Variants in ZNF331 observed in about 807,000 individuals in gnomAD.
ZNF331 encodes the protein zinc finger protein 331.
ZNF331 carries 2 observed loss-of-function variants against 7.0 expected under a neutral mutation model. The ratio of observed to expected loss-of-function variants is 0.29; its 90% CI spans 0.12 to 0.90. The LOEUF (loss-of-function observed/expected upper bound fraction) is 0.90. Ranked by LOEUF, ZNF331 falls within the 40% of genes least tolerant of loss-of-function variation. The pLI is 0.58. For missense variants in ZNF331, 432 were observed against 587.7 expected (o/e 0.74, Z 2.74); for synonymous variants, 196 against 205.4 (o/e 0.95, Z 0.39).
intron 2 of ZNF331, among the ~76,000 whole-genome samples, chr19:53,549,041 G>GT (rs2147396853): frequency 6.6e-6 from 1 of 152,140 alleles, no homozygotes; most frequent in Non-Finnish European, 1.5e-5. Context: ...TAGAGACGGA[G>GT]TTTCCCCATG....
chr19:53,569,463 T>G (rs923904229), intron 4 of ZNF331, 78 bp downstream of exon 4: 22 of 1,507,254 alleles, frequency 1.5e-5, no homozygotes, highest in Non-Finnish European at 2.0e-5. Context: ...ATCTGAAGCC[T>G]TTTATCTAGT....
Position 53,558,790 on chromosome 19 carries a change from C to T in ZNF331, c.-74+2882C>T, listed in dbSNP as rs1304671559. On this transcript the variant is annotated intron_variant, in intron 3 of 5. Transcript: ENST00000449416. This position sits in a 1 kb window ranked among gnomAD's most constrained non-coding sequence, Gnocchi z 4.5. Reference sequence around the variant, plus strand: ...ATGAGCCAGGAACCATGGACAAGAACATACAGACACACTCATACCCCATAT... The same window carrying T: ...ATGAGCCAGGAACCATGGACAAGAATATACAGACACACTCATACCCCATAT... Among the ~76,000 whole-genome samples, 1 of 151,772 alleles carries T rather than the reference C, an allele frequency of 6.6e-6. No individual in the cohort carries two copies. The highest frequency in any genetic ancestry group is 1.5e-5 in the Non-Finnish European group (1 of 67,896).
intron 2 of ZNF331, among the ~76,000 whole-genome samples, chr19:53,541,137 C>T (rs1387442062): frequency 7.2e-6 from 1 of 139,300 alleles, no homozygotes; most frequent in Non-Finnish European, 1.5e-5. Flanking sequence ...GACAGAGTTT[C>T]GCTCTTGTTG....
In ZNF331 at chr19:53,577,264, G is replaced by C. The variant is rs201062282; in HGVS notation, c.704G>C (p.Arg235Thr). 1.9e-6 allele frequency: 3 copies of C among 1,613,620 alleles called. No individual in the cohort carries two copies. Among genetic ancestry groups the C allele is most frequent in the Non-Finnish European group, 8.5e-7 (1 of 1,179,950 alleles). ...GGTGATGAGCTCACTCAGCACCAGA[G>C]ATTCCACACTGGGGAGAAAGACTAC... ...RRGDELTQHQRFHTGEKDYEC... is the reference protein window; with the variant it reads ...RRGDELTQHQTFHTGEKDYEC... Residue 235 changes from arginine (R) to threonine (T), a missense_variant, in exon 6 of 6, where the codon AGA (arginine) becomes ACA (threonine). Physicochemically the swap from Arg to Thr is moderately conservative, Grantham distance 71. Coordinates refer to ENST00000449416, the MANE Select transcript of ZNF331 (RefSeq NM_001079906.2).
In ZNF331 at chr19:53,531,364, G is replaced by C. The variant is rs138855172; in HGVS notation, c.-204-7852G>C. Among the ~76,000 whole-genome samples, 180 of 152,298 alleles carry C rather than the reference G, an allele frequency of 1.2e-3. 5 individuals are homozygous for C. In the East Asian group the frequency reaches 0.033, roughly 28 times the overall value. ...CCTCAATGTACTCCCCATTGACCAA[G>C]TCTCTCTTCTGAATGTTATTCATGT... On this transcript the variant is annotated intron_variant, in intron 2 of 6. Coordinates refer to the ZNF331 transcript ENST00000253144.
chr19:53,536,343 T>C (rs940641414), upstream of ZNF331: 5 of 152,188 alleles, frequency 3.3e-5, no homozygotes, highest in Non-Finnish European at 7.3e-5. Flanking sequence ...TGAGGAAACT[T>C]TACCACACTG....
At chr19:53,509,004 T>G in the ZNF331 span, among the ~76,000 whole-genome samples, 284 of 152,208 alleles carry the variant, frequency 1.9e-3, no homozygotes, top group Middle Eastern at 6.8e-3. Flanking sequence ...ATTCATCACC[T>G]TTTTTCCCTC....
upstream of ZNF331, among the ~76,000 whole-genome samples, chr19:53,535,703 A>C (rs1204242523): frequency 6.6e-6 from 1 of 152,230 alleles, no homozygotes; most frequent in East Asian, 1.9e-4. Flanking sequence ...TGGACTTTGG[A>C]AATATTCCCA....
chr19:53,559,856 A>G (rs554428930), intron 3 of ZNF331, among the ~76,000 whole-genome samples: 1 of 151,458 alleles, frequency 6.6e-6, no homozygotes, highest in African/African-American at 2.4e-5. Flanking sequence ...ACACATATAC[A>G]TACCATACAC....
At chr19:53,543,653 G>C (rs561225062) in intron 2 of ZNF331, among the ~76,000 whole-genome samples, 1 of 152,236 alleles carries the variant, frequency 6.6e-6, no homozygotes, top group East Asian at 1.9e-4. Flanking sequence ...GACATGAGTT[G>C]GTCTTCAATA....
At chr19:53,562,452 G>A (rs1008758470) in intron 3 of ZNF331, among the ~76,000 whole-genome samples, 2 of 152,240 alleles carry the variant, frequency 1.3e-5, no homozygotes, top group African/African-American at 4.8e-5. Flanking sequence ...CACTTTGGGA[G>A]GCCAAAGCGG....
At chr19:53,544,375 C>G (rs1175408924) in intron 2 of ZNF331, among the ~76,000 whole-genome samples, 1 of 150,466 alleles carries the variant, frequency 6.6e-6, no homozygotes, top group South Asian at 2.1e-4. Context: ...GAAACCCCAT[C>G]TCTACTAAAA....
At chr19:53,519,684 G>A (rs1416118752), upstream of ZNF331, among the ~76,000 whole-genome samples, 1 of 152,216 alleles carries the variant, frequency 6.6e-6, no homozygotes, top group African/African-American at 2.4e-5. Context: ...GAGCCAGGCA[G>A]TGCTCCCAAG....
the ZNF331 span, chr19:53,503,553 C>G: frequency 1.3e-6 from 1 of 747,498 alleles, no homozygotes; most frequent in Non-Finnish European, 2.5e-6. Flanking sequence ...GTAGCCAACA[C>G]CGTATTCCTC....
chr19:53,571,644 A>G lies in ZNF331; in HGVS notation c.50A>G (p.Gln17Arg). The G allele has an allele frequency of 6.2e-7, 1 of 1,614,066 alleles. No homozygotes were observed. ...TFADVAIDFS[Q>R]EEWACLNSAQ... ...GCCGACGTAGCCATAGACTTTTCTC[A>G]GGAGGAGTGGGCCTGTCTGAACTCT... The change falls in exon 5 of 6, where the codon CAG becomes CGG. Residue 17 changes from glutamine to arginine, a missense_variant. Gln to Arg is a conservative substitution (Grantham distance 43, BLOSUM62 1). Around this residue, in one of 3 missense-constraint regions of ZNF331, gnomAD observed 39 missense variants for 68.8 expected, o/e 0.57. Transcript: ENST00000449416. This position sits in a 1 kb window ranked among gnomAD's most constrained non-coding sequence, Gnocchi z 4.7.
chr19:53,568,182 T>C (rs1600464721), intron 3 of ZNF331, among the ~76,000 whole-genome samples: 1 of 150,360 alleles, frequency 6.7e-6, no homozygotes, highest in African/African-American at 2.4e-5. Context: ...GAGGCAGAGG[T>C]TGTGGTAGGC....
the ZNF331 span, among the ~76,000 whole-genome samples, chr19:53,507,345 C>T: frequency 6.6e-6 from 1 of 152,096 alleles, no homozygotes; most frequent in East Asian, 1.9e-4. Flanking sequence ...TTGGGGCTCC[C>T]CACCTTGATA....
intron 2 of ZNF331, among the ~76,000 whole-genome samples, chr19:53,528,730 T>C (rs1171057975): frequency 2.6e-5 from 4 of 152,206 alleles, no homozygotes; most frequent in African/African-American, 9.6e-5. Context: ...TAAATGTATT[T>C]TATGTCATGA....
At chr19:53,549,693 C>CAA (rs34058079) in intron 2 of ZNF331, among the ~76,000 whole-genome samples, 1 of 140,642 alleles carries the variant, frequency 7.1e-6, no homozygotes, top group African/African-American at 2.6e-5. Flanking sequence ...GACTCTGTCT[C>CAA]AAAAAAAAAA....
Sources: gnomAD v4.1 joint callset for allele counts (sites outside exome capture counted in the v4.1 genomes callset) on GRCh38, gnomAD v4.1.1 for gene constraint, gnomAD v4.1.1 regional missense constraint, Gnocchi (gnomAD v3.1) non-coding constraint, MANE v1.5 for transcripts, NCBI Gene and HGNC (gene_info 2026-07-23, HGNC 2026-07-21) for gene names.